NRXN1: variants seen among roughly 807,000 people sequenced by gnomAD.
NRXN1 encodes the protein neurexin 1.
Under a neutral mutation model 150.9 loss-of-function variants are expected in NRXN1, and 39 were observed. The observed-to-expected ratio is 0.26, with a 90% CI of 0.20 to 0.34. The LOEUF is 0.34. Among genes scored for constraint, NRXN1 ranks in the 10% least tolerant of loss-of-function variants. The pLI is 1.00. For synonymous variants in NRXN1, 924 were observed against 757.0 expected (o/e 1.22, Z -3.62); for missense variants, 1,815 against 1,949.9 (o/e 0.93, Z 1.30).
In NRXN1 at chr2:50,143,451, C is replaced by G. The variant is rs536352575; in HGVS notation, c.3547-51957G>C. ...TAGAGACACTCTTGGCTGGAAGACA[C>G]TAATTTATTATGCGCTGATTTAAGT... is the stretch of plus-strand genomic sequence containing the variant. On this transcript the variant is annotated intron_variant, in intron 18 of 22. Coordinates refer to ENST00000401669, the MANE Select transcript of NRXN1 (RefSeq NM_001330078.2). 2.0e-4 allele frequency among the ~76,000 whole-genome samples: 30 copies of G among 152,000 alleles called. No individual in the cohort carries two copies. The South Asian group carries it at 2.9e-3, about 15-fold the overall frequency.
At chr2:50,315,723 G>T (rs1364403327) in intron 17 of NRXN1, among the ~76,000 whole-genome samples, 1 of 152,052 alleles carries the variant, frequency 6.6e-6, no homozygotes, top group Non-Finnish European at 1.5e-5. Flanking sequence ...GCCTATATGG[G>T]CCAGCTTATT....
At chr2:50,784,481 GA>G (rs1391224634) in intron 5 of NRXN1, among the ~76,000 whole-genome samples, 1 of 151,838 alleles carries the variant, frequency 6.6e-6, no homozygotes, top group Non-Finnish European at 1.5e-5. Flanking sequence ...AGAAAAGCAT[GA>G]AAAAACATGG....
chr2:50,488,619 G>A (rs1254753569), intron 15 of NRXN1, among the ~76,000 whole-genome samples: 1 of 152,094 alleles, frequency 6.6e-6, no homozygotes, highest in Admixed American at 6.6e-5. Context: ...TTGTCCGTGG[G>A]TTCCTGTAAT....
intron 17 of NRXN1, among the ~76,000 whole-genome samples, chr2:50,435,335 T>C (rs1044362398): frequency 6.6e-6 from 1 of 152,218 alleles, no homozygotes; most frequent in Non-Finnish European, 1.5e-5. Flanking sequence ...GAATACATTA[T>C]GCAAACTATA....
intron 8 of NRXN1, among the ~76,000 whole-genome samples, chr2:50,601,685 G>A (rs905302284): frequency 1.3e-5 from 2 of 152,086 alleles, no homozygotes; most frequent in African/African-American, 2.4e-5. Context: ...GTTTTTAGTG[G>A]ACTTTCTTAA....
intron 5 of NRXN1, among the ~76,000 whole-genome samples, chr2:50,653,967 C>T (rs1460576722): frequency 1.5e-5 from 2 of 133,720 alleles, no homozygotes; most frequent in Non-Finnish European, 3.2e-5. Context: ...TCTCTTTTGG[C>T]CTTTTCATCT....
intron 3 of NRXN1, among the ~76,000 whole-genome samples, chr2:50,923,958 CTG>C (rs1217704546): frequency 6.6e-6 from 1 of 151,762 alleles, no homozygotes; most frequent in Admixed American, 6.6e-5. Flanking sequence ...TGTAGCCTCT[CTG>C]TATTTTCTGA....
intron 12 of NRXN1, among the ~76,000 whole-genome samples, chr2:50,521,674 T>C (rs532496797): frequency 6.6e-6 from 1 of 152,254 alleles, no homozygotes; most frequent in South Asian, 2.1e-4. Flanking sequence ...TTGAACAGAT[T>C]GTAATTCTCA....
intron 11 of NRXN1, among the ~76,000 whole-genome samples, chr2:50,530,758 A>G (rs913357463): frequency 6.6e-6 from 1 of 152,228 alleles, no homozygotes; most frequent in Non-Finnish European, 1.5e-5. Context: ...GTGATTATTC[A>G]AAGGAGAAGC....
chr2:49,951,693 T>A (rs539923788), intron 21 of NRXN1, among the ~76,000 whole-genome samples: 5 of 152,080 alleles, frequency 3.3e-5, no homozygotes, highest in Admixed American at 1.3e-4. Flanking sequence ...TCTAGCTGTA[T>A]CAGTATGAAT....
intron 17 of NRXN1, among the ~76,000 whole-genome samples, chr2:50,257,258 T>C (rs1450758871): frequency 5.3e-5 from 8 of 152,122 alleles, no homozygotes. Context: ...AAACTGAGGT[T>C]ACCTACCCTG....
chr2:50,593,798 G>C (rs1181502080), intron 8 of NRXN1, among the ~76,000 whole-genome samples: 1 of 152,060 alleles, frequency 6.6e-6, no homozygotes, highest in East Asian at 1.9e-4. Context: ...TATCTAGGCT[G>C]TTAAAAACAT....
At chr2:50,510,105 C>A (rs1337503755) in intron 12 of NRXN1, among the ~76,000 whole-genome samples, 1 of 152,122 alleles carries the variant, frequency 6.6e-6, no homozygotes, top group Non-Finnish European at 1.5e-5. Context: ...AAAAAAAATT[C>A]TGTTGTTTAA....
intron 17 of NRXN1, among the ~76,000 whole-genome samples, chr2:50,447,346 G>A (rs1254738764): frequency 2.0e-5 from 3 of 151,198 alleles, no homozygotes; most frequent in African/African-American, 7.3e-5. Flanking sequence ...CAGGTGTGGT[G>A]GCACACACCT....
intron 5 of NRXN1, among the ~76,000 whole-genome samples, chr2:50,851,211 G>T (rs1376449763): frequency 1.3e-5 from 2 of 152,072 alleles, no homozygotes; most frequent in South Asian, 2.1e-4. Flanking sequence ...ATAGGTCTAG[G>T]CATTTATTCC....
intron 5 of NRXN1, among the ~76,000 whole-genome samples, chr2:50,771,695 T>C (rs1703032084): frequency 6.6e-6 from 1 of 152,056 alleles, no homozygotes; most frequent in Admixed American, 6.6e-5. Context: ...GCATTTTCCG[T>C]GAAGGAAGTA....
At chr2:50,117,030 C>A (rs1457641050) in intron 18 of NRXN1, among the ~76,000 whole-genome samples, 1 of 152,040 alleles carries the variant, frequency 6.6e-6, no homozygotes, top group Non-Finnish European at 1.5e-5. Context: ...AAAATTGCCT[C>A]TGTGCACATG....
intron 8 of NRXN1, among the ~76,000 whole-genome samples, chr2:50,584,176 C>T (rs564164225): frequency 1.3e-5 from 2 of 152,268 alleles, no homozygotes; most frequent in African/African-American, 4.8e-5. Flanking sequence ...GAAATAATTT[C>T]ACCATAAATC....
chr2:50,316,390 T>TA (rs1385528465), intron 17 of NRXN1, among the ~76,000 whole-genome samples: 1 of 152,044 alleles, frequency 6.6e-6, no homozygotes, highest in East Asian at 1.9e-4. Context: ...ATTTCAAACA[T>TA]TTAATAGGGT....
Sources: allele counts gnomAD v4.1 joint callset (sites outside exome capture counted in the v4.1 genomes callset), GRCh38; gene constraint gnomAD v4.1.1; transcripts MANE v1.5; gene names NCBI Gene and HGNC (gene_info 2026-07-23, HGNC 2026-07-21).